ARB2A: variants seen among roughly 807,000 people sequenced by gnomAD.
The protein encoded by ARB2A is cotranscriptional regulator ARB2A.
chr5:93,745,063 T>TA, the ARB2A span, among the ~76,000 whole-genome samples: 1 of 152,330 alleles, frequency 6.6e-6, no homozygotes, highest in South Asian at 2.1e-4. Context: ...GCAGAAATGC[T>TA]AAAAAATAAA....
the ARB2A span, among the ~76,000 whole-genome samples, chr5:93,915,493 T>TAATTCATATAATTCAAC: frequency 1.3e-5 from 2 of 151,748 alleles, no homozygotes; most frequent in Admixed American, 1.3e-4. Context: ...CTATTCATGA[T>TAATTCATATAATTCAAC]CAAATTCTTG....
chr5:93,764,182 A>G, the ARB2A span, among the ~76,000 whole-genome samples: 1 of 152,240 alleles, frequency 6.6e-6, no homozygotes, highest in East Asian at 1.9e-4. Flanking sequence ...AACAGAAGGC[A>G]AGAAATAACT....
At chr5:93,886,253 G>C in the ARB2A span, among the ~76,000 whole-genome samples, 1 of 151,714 alleles carries the variant, frequency 6.6e-6, no homozygotes, top group Non-Finnish European at 1.5e-5. Flanking sequence ...ACTTGGCTCT[G>C]CATATTAACC....
the ARB2A span, among the ~76,000 whole-genome samples, chr5:94,006,176 C>A: frequency 6.6e-6 from 1 of 152,146 alleles, no homozygotes; most frequent in African/African-American, 2.4e-5. Flanking sequence ...TTTGATACAT[C>A]CCTATCATCT....
chr5:93,871,599 A>G, the ARB2A span, among the ~76,000 whole-genome samples: 1 of 152,258 alleles, frequency 6.6e-6, no homozygotes. Context: ...GAGGAAATAT[A>G]GAAGCAAGTA....
At chr5:93,912,783 T>C in the ARB2A span, among the ~76,000 whole-genome samples, 1 of 151,876 alleles carries the variant, frequency 6.6e-6, no homozygotes, top group African/African-American at 2.4e-5. Context: ...TTCATATTTC[T>C]TTTTCTTCTT....
At chr5:93,843,955 T>C in the ARB2A span, among the ~76,000 whole-genome samples, 7 of 151,820 alleles carry the variant, frequency 4.6e-5, no homozygotes, top group Admixed American at 3.3e-4. Context: ...CCCAGTATAA[T>C]GAATGAAATA....
chr5:93,963,971 AG>A, the ARB2A span, among the ~76,000 whole-genome samples: 1 of 152,016 alleles, frequency 6.6e-6, no homozygotes, highest in African/African-American at 2.4e-5. Context: ...TCTGCCAAAA[AG>A]GGAAGGAGCA....
the ARB2A span, among the ~76,000 whole-genome samples, chr5:94,105,413 G>C: frequency 6.6e-6 from 1 of 151,922 alleles, no homozygotes; most frequent in Non-Finnish European, 1.5e-5. Context: ...AAAATACCTA[G>C]GCATACAGCT....
At chr5:93,813,185 T>C in the ARB2A span, among the ~76,000 whole-genome samples, 2 of 152,172 alleles carry the variant, frequency 1.3e-5, no homozygotes, top group Non-Finnish European at 2.9e-5. Context: ...TACCTTAAAG[T>C]CAATTCTGAT....
chr5:94,025,724 TGTTA>T, the ARB2A span, among the ~76,000 whole-genome samples: 1 of 152,210 alleles, frequency 6.6e-6, no homozygotes, highest in African/African-American at 2.4e-5. Flanking sequence ...ACTGAATGAA[TGTTA>T]GTACTGTCCA....
chr5:93,722,669 A>C, the ARB2A span, among the ~76,000 whole-genome samples: 1 of 152,152 alleles, frequency 6.6e-6, no homozygotes, highest in Admixed American at 6.6e-5. Flanking sequence ...GTATCACATA[A>C]GAGAAGGAAG....
chr5:93,878,490 G>T, the ARB2A span, among the ~76,000 whole-genome samples: 1 of 151,932 alleles, frequency 6.6e-6, no homozygotes, highest in Admixed American at 6.6e-5. Flanking sequence ...TGGCAGAGGG[G>T]AGGATATGAT....
chr5:93,704,027 G>A, the ARB2A span, among the ~76,000 whole-genome samples: 1 of 152,014 alleles, frequency 6.6e-6, no homozygotes, highest in Non-Finnish European at 1.5e-5. Flanking sequence ...TCGAGAGGCA[G>A]TAAGCTAGGC....
the ARB2A span, among the ~76,000 whole-genome samples, chr5:93,807,350 C>G: frequency 4.0e-5 from 6 of 151,878 alleles, no homozygotes; most frequent in Non-Finnish European, 7.4e-5. Context: ...TAACAGACTA[C>G]TATTTTATGG....
chr5:93,994,878 C>T, the ARB2A span, among the ~76,000 whole-genome samples: 297 of 151,482 alleles, frequency 2.0e-3, 1 homozygote, highest in African/African-American at 7.0e-3. Context: ...GGCACTCCAG[C>T]CTGGGTGAAA....
At chr5:93,795,169 G>A in the ARB2A span, among the ~76,000 whole-genome samples, 1 of 152,070 alleles carries the variant, frequency 6.6e-6, no homozygotes, top group Non-Finnish European at 1.5e-5. Flanking sequence ...GTCCAGTGAA[G>A]GAATATTCCC....
chr5:93,936,592 C>T, the ARB2A span, among the ~76,000 whole-genome samples: 3 of 151,990 alleles, frequency 2.0e-5, no homozygotes, highest in African/African-American at 4.8e-5. Flanking sequence ...TGGAAGTAAA[C>T]AAAAAAGTAT....
the ARB2A span, among the ~76,000 whole-genome samples, chr5:94,017,093 T>C: frequency 1.3e-5 from 2 of 152,180 alleles, no homozygotes; most frequent in Non-Finnish European, 2.9e-5. Flanking sequence ...GAAGAGTATG[T>C]CCTCACTTCA....
Sources: allele counts gnomAD v4.1 joint callset (sites outside exome capture counted in the v4.1 genomes callset), GRCh38; gene constraint gnomAD v4.1.1; transcripts MANE v1.5; gene names NCBI Gene and HGNC (gene_info 2026-07-23, HGNC 2026-07-21).